SPIDR: variants seen among roughly 807,000 people sequenced by gnomAD.
SPIDR encodes scaffold protein involved in DNA repair.
In SPIDR, 93 loss-of-function variants were observed where a neutral mutation model predicts 104.6. The ratio of observed to expected loss-of-function variants is 0.89; its 90% CI spans 0.75 to 1.06. The LOEUF (loss-of-function observed/expected upper bound fraction) is 1.06. Among genes scored for constraint, SPIDR ranks in the 50% least tolerant of loss-of-function variants. SPIDR has a pLI of 0.00. For missense variants in SPIDR, 1,154 were observed against 1,111.2 expected, an observed-to-expected ratio of 1.04 and a Z score of -0.55; for synonymous variants, 431 against 416.9, an observed-to-expected ratio of 1.03 and a Z score of -0.41.
intron 5 of SPIDR, among the ~76,000 whole-genome samples, chr8:47,303,195 T>C (rs1277989890): frequency 6.6e-6 from 1 of 152,212 alleles, no homozygotes; most frequent in Admixed American, 6.5e-5. Flanking sequence ...GATCTCAGAC[T>C]GCTGTGCTAG....
At chr8:47,378,619 C>G (rs1470188136) in intron 5 of SPIDR, among the ~76,000 whole-genome samples, 1 of 152,192 alleles carries the variant, frequency 6.6e-6, no homozygotes, top group African/African-American at 2.4e-5. Flanking sequence ...ACTTGTGTGA[C>G]TGTGAACAAC....
intron 8 of SPIDR, among the ~76,000 whole-genome samples, chr8:47,588,066 T>C (rs1411164026): frequency 1.7e-4 from 16 of 93,028 alleles, no homozygotes; most frequent in African/African-American, 3.8e-4. Context: ...TATATATATA[T>C]ATATATATAT....
intron 5 of SPIDR, among the ~76,000 whole-genome samples, chr8:47,299,535 C>A (rs1380957832): frequency 4.6e-5 from 7 of 152,112 alleles, no homozygotes; most frequent in Non-Finnish European, 8.8e-5. Context: ...TGCCCGTTTT[C>A]AAAGGGAATG....
intron 8 of SPIDR, among the ~76,000 whole-genome samples, chr8:47,459,377 C>T (rs186976883): frequency 3.3e-5 from 5 of 151,942 alleles, no homozygotes; most frequent in Non-Finnish European, 7.4e-5. Context: ...TGTATCTTTC[C>T]AGGAATTTAT....
chr8:47,662,171 G>A (rs1329111947), intron 10 of SPIDR, among the ~76,000 whole-genome samples: 4 of 152,236 alleles, frequency 2.6e-5, no homozygotes, highest in South Asian at 4.1e-4. Flanking sequence ...AATGTTTCTC[G>A]AATGCCTTCT....
chr8:47,613,628 T>C (rs1445754255), intron 10 of SPIDR, among the ~76,000 whole-genome samples: 1 of 152,198 alleles, frequency 6.6e-6, no homozygotes, highest in East Asian at 1.9e-4. Flanking sequence ...GTGCAATTTC[T>C]CCACATCCTC....
intron 8 of SPIDR, among the ~76,000 whole-genome samples, chr8:47,454,216 TG>T (rs1554708278): frequency 1.3e-5 from 2 of 152,188 alleles, no homozygotes; most frequent in Non-Finnish European, 2.9e-5. Context: ...AGCAAAGACT[TG>T]GAACCAACCC....
At chr8:47,583,351 A>G (rs1479897322) in intron 8 of SPIDR, among the ~76,000 whole-genome samples, 2 of 151,416 alleles carry the variant, frequency 1.3e-5, no homozygotes, top group Non-Finnish European at 2.9e-5. Flanking sequence ...ACATCATGAT[A>G]ATGTTCATTG....
intron 5 of SPIDR, among the ~76,000 whole-genome samples, chr8:47,387,051 A>T (rs2060035037): frequency 6.6e-6 from 1 of 152,162 alleles, no homozygotes; most frequent in African/African-American, 2.4e-5. Context: ...GACCTGTGTG[A>T]TGAGGGGATA....
intron 10 of SPIDR, among the ~76,000 whole-genome samples, chr8:47,663,559 T>TA (rs1412766750): frequency 6.6e-6 from 1 of 152,232 alleles, no homozygotes; most frequent in African/African-American, 2.4e-5. Flanking sequence ...TTGTGACACT[T>TA]ACTTCATGGC....
At chr8:47,437,515 C>G (rs532273852) in intron 7 of SPIDR, among the ~76,000 whole-genome samples, 1 of 152,060 alleles carries the variant, frequency 6.6e-6, no homozygotes, top group East Asian at 1.9e-4. Context: ...TGGGTTGGTT[C>G]CAAGTCTTTG....
chr8:47,261,579 G>C (rs184333436), intron 1 of SPIDR, among the ~76,000 whole-genome samples: 1 of 152,322 alleles, frequency 6.6e-6, no homozygotes, highest in Admixed American at 6.5e-5. Flanking sequence ...GTCATGGCAT[G>C]TGTCCTTTAT....
intron 5 of SPIDR, among the ~76,000 whole-genome samples, chr8:47,378,288 C>CT (rs2154298848): frequency 1.3e-5 from 2 of 152,250 alleles, no homozygotes; most frequent in South Asian, 4.1e-4. Flanking sequence ...ATATTAAAGA[C>CT]TATCTTTTCA....
intron 5 of SPIDR, among the ~76,000 whole-genome samples, chr8:47,370,974 T>C (rs2057941597): frequency 7.2e-5 from 11 of 152,064 alleles, no homozygotes; most frequent in Admixed American, 7.2e-4. Flanking sequence ...CCCCCCATGC[T>C]AACTGCAGTC....
At chr8:47,478,444 G>A (rs565204343) in intron 8 of SPIDR, among the ~76,000 whole-genome samples, 2 of 152,174 alleles carry the variant, frequency 1.3e-5, no homozygotes, top group African/African-American at 4.8e-5. Context: ...AAGCAGGAAG[G>A]ACAGACCTCG....
chr8:47,695,889 A>G (rs959164791), intron 11 of SPIDR, among the ~76,000 whole-genome samples: 7 of 152,222 alleles, frequency 4.6e-5, no homozygotes, highest in Non-Finnish European at 8.8e-5. Context: ...TTTCAATGGC[A>G]GTGAGGTGGG....
At chr8:47,306,746 T>C (rs1338480590) in intron 5 of SPIDR, among the ~76,000 whole-genome samples, 2 of 152,204 alleles carry the variant, frequency 1.3e-5, no homozygotes, top group Non-Finnish European at 2.9e-5. Flanking sequence ...CAGTTGTCTG[T>C]TTTTCCTTCA....
chr8:47,475,057 T>C (rs1261075519), intron 8 of SPIDR, among the ~76,000 whole-genome samples: 1 of 152,218 alleles, frequency 6.6e-6, no homozygotes, highest in Non-Finnish European at 1.5e-5. Context: ...TTCCTGGAAG[T>C]GTTTCATAGA....
intron 5 of SPIDR, among the ~76,000 whole-genome samples, chr8:47,346,681 A>C (rs1388506115): frequency 6.6e-6 from 1 of 152,110 alleles, no homozygotes; most frequent in Non-Finnish European, 1.5e-5. Context: ...TTCCTGGTTT[A>C]GTCTTGGGAG....
Sources: gnomAD v4.1 joint callset for allele counts (sites outside exome capture counted in the v4.1 genomes callset) on GRCh38, gnomAD v4.1.1 for gene constraint, MANE v1.5 for transcripts, NCBI Gene and HGNC (gene_info 2026-07-23, HGNC 2026-07-21) for gene names.